The following RTCA variants were observed in gnomAD, a reference collection of about 807,000 sequenced individuals.
The protein encoded by RTCA is RNA 3'-terminal phosphate cyclase.
Under a neutral mutation model 46.1 loss-of-function variants are expected in RTCA, and 37 were observed. The observed-to-expected ratio is 0.80, with a 90% confidence interval of 0.62 to 1.06. The LOEUF (loss-of-function observed/expected upper bound fraction) is 1.06, where lower values mean the gene tolerates loss of function less well. Among genes scored for constraint, RTCA ranks in the 50% least tolerant of loss-of-function variants. The probability of loss-of-function intolerance (pLI) is 0.00; values close to 1 mark genes in which losing one functional copy is unlikely to be tolerated. For missense variants in RTCA, 435 were observed against 455.5 expected, an observed-to-expected ratio of 0.95 and a Z score of 0.41; for synonymous variants, 164 against 158.3, an observed-to-expected ratio of 1.04 and a Z score of -0.27.
intron 8 of RTCA, chr1:100,281,187 T>C (rs1471673129): frequency 3.8e-6 from 2 of 530,320 alleles, no homozygotes; most frequent in Admixed American, 3.9e-5. Context: ...TCCTTATATG[T>C]TGAGCAAGAA....
intron 5 of RTCA, among the ~76,000 whole-genome samples, chr1:100,274,149 C>T (rs1454486273): frequency 6.6e-6 from 1 of 152,092 alleles, no homozygotes. Context: ...GTGCCTCAAT[C>T]AGAATTCATA....
intron 3 of RTCA, 99 bp downstream of exon 3, chr1:100,268,394 T>A: frequency 2.1e-6 from 2 of 975,552 alleles, no homozygotes; most frequent in Non-Finnish European, 3.0e-6. Flanking sequence ...CTTGTTTCCC[T>A]ACTTTTATGT....
In RTCA at chr1:100,275,544, A is replaced by G. The variant is rs1045817775; in HGVS notation, c.616-55A>G. The G allele has an allele frequency of 1.3e-5, 19 of 1,438,948 alleles. No homozygotes were observed. In the African/African-American group the frequency reaches 1.7e-4, roughly 13 times the overall value. The allele number at this position is 1,438,948 out of a possible 1,614,324, so 89.1% of individuals were successfully genotyped here. On this transcript the variant is annotated intron_variant, in intron 6 of 10. Transcript: ENST00000370128. ...ATGTGTCTTTGAAGTCTTGAAAACA[A>G]TTTTCCAAATAATCAGTAATTGTTT...
intron 8 of RTCA, chr1:100,281,346 G>A (rs1159006716): frequency 1.9e-6 from 1 of 529,422 alleles, no homozygotes; most frequent in East Asian, 5.5e-5. Flanking sequence ...CAGAGAGTGA[G>A]AAGACCTAAA....
At chr1:100,282,760 T>C (rs1371114027) in intron 8 of RTCA, among the ~76,000 whole-genome samples, 2 of 152,232 alleles carry the variant, frequency 1.3e-5, no homozygotes, top group Non-Finnish European at 2.9e-5. Context: ...AAGGTTGCCT[T>C]CAAGCTATGT....
chr1:100,266,511 C>A lies in RTCA; in HGVS notation c.46-13C>A. 1.2e-6 allele frequency: 2 copies of A among 1,612,252 alleles called. No individual in the cohort carries two copies. The highest frequency in any genetic ancestry group is 1.7e-6 in the Non-Finnish European group (2 of 1,178,500). ...TGCTTACTTCTCTTCTCCCTGTACC[C>A]CAACCTTTGCAGGGCGGCCAGATCC... On this transcript the variant is annotated splice_polypyrimidine_tract_variant and intron_variant, in intron 1 of 10. Transcript: ENST00000370128.
At chr1:100,270,429 A>G in intron 3 of RTCA, 128 bp from the exon 4 acceptor site, 1 of 1,111,714 alleles carries the variant, frequency 9.0e-7, no homozygotes, top group Non-Finnish European at 1.3e-6. Context: ...ACTCAATGGC[A>G]TATACCTGCC....
At chr1:100,277,392 T>C (rs1209836785) in intron 8 of RTCA, 76 bp downstream of exon 8, 3 of 1,248,838 alleles carry the variant, frequency 2.4e-6, no homozygotes, top group African/African-American at 1.5e-5. Flanking sequence ...TGGAATGTTA[T>C]AGAATGATGG....
At chr1:100,277,415 A>G in intron 8 of RTCA, 99 bp downstream of exon 8, 2 of 1,057,784 alleles carry the variant, frequency 1.9e-6, no homozygotes, top group Non-Finnish European at 2.7e-6. Flanking sequence ...GAAAGTTTAA[A>G]AGGATGTAGT....
chr1:100,273,930 T>G (rs1355557092), intron 5 of RTCA, among the ~76,000 whole-genome samples: 1 of 152,240 alleles, frequency 6.6e-6, no homozygotes, highest in Non-Finnish European at 1.5e-5. Flanking sequence ...TTTGAAGTCT[T>G]GCCCTAACTT....
At chr1:100,290,800 A>G (rs1295103662) in intron 10 of RTCA, among the ~76,000 whole-genome samples, 3 of 152,130 alleles carry the variant, frequency 2.0e-5, no homozygotes, top group Non-Finnish European at 4.4e-5. Context: ...AAATACAATG[A>G]TACAGGTAAA....
chr1:100,267,583 C>A, intron 2 of RTCA: 1 of 1,519,694 alleles, frequency 6.6e-7, no homozygotes. Context: ...TGCTCCAGGC[C>A]TGTCTTTTTG....
In RTCA at chr1:100,274,843, G is replaced by T; in HGVS notation, c.493G>T (p.Gly165Cys). The T allele has an allele frequency of 1.2e-6, 2 of 1,612,292 alleles. No individual in the cohort carries two copies. The highest frequency in any genetic ancestry group is 1.1e-5 in the South Asian group (1 of 90,846). Residue 165 changes from glycine (G) to cysteine (C), a missense_variant, in exon 6 of 11, where the codon GGT becomes TGT. Gly to Cys is a radical substitution (Grantham distance 159, BLOSUM62 -3). Coordinates refer to ENST00000370128, the MANE Select transcript of RTCA (RefSeq NM_003729.4). Reference protein sequence around the residue: ...IKTRGYYPKGGGEVIVRMSPV... With the variant: ...IKTRGYYPKGCGEVIVRMSPV... ...TCATAGGGGATATTACCCAAAAGGG[G>T]GTGGTGAAGTGATTGTTCGAATGTC...
intron 8 of RTCA, among the ~76,000 whole-genome samples, chr1:100,282,007 A>T (rs1004743914): frequency 3.3e-5 from 5 of 152,180 alleles, no homozygotes. Context: ...TGCCGGCCTC[A>T]TGGCATCTCT....
intron 2 of RTCA, 84 bp from the exon 3 acceptor site, chr1:100,268,068 T>C (rs1354149433): frequency 1.9e-6 from 3 of 1,557,460 alleles, no homozygotes; most frequent in South Asian, 1.2e-5. Flanking sequence ...TTTCTTGCCA[T>C]TGCAGTTTTA....
chr1:100,283,160 CTTT>C (rs71084815), intron 8 of RTCA, among the ~76,000 whole-genome samples: 73 of 102,078 alleles, frequency 7.2e-4, no homozygotes, highest in African/African-American at 1.4e-3. Flanking sequence ...CCAAATATTC[CTTT>C]TTTTTTTTTT....
At chr1:100,270,426 G>T in intron 3 of RTCA, 131 bp from the exon 4 acceptor site, 1 of 1,038,996 alleles carries the variant, frequency 9.6e-7, no homozygotes, top group South Asian at 1.8e-5. Context: ...GAAACTCAAT[G>T]GCATATACCT....
At chr1:100,276,630 T>G (rs1385944076) in intron 7 of RTCA, among the ~76,000 whole-genome samples, 1 of 152,114 alleles carries the variant, frequency 6.6e-6, no homozygotes, top group Non-Finnish European at 1.5e-5. Context: ...TGAGCTGAGA[T>G]CACACCACTG....
At chr1:100,273,507 G>GA in intron 5 of RTCA, 55 bp downstream of exon 5, 5 of 1,126,122 alleles carry the variant, frequency 4.4e-6, no homozygotes, top group Admixed American at 2.5e-5. Flanking sequence ...AGAAGTAGTG[G>GA]AAAAGTTAGA....
Sources: allele counts gnomAD v4.1 joint callset (sites outside exome capture counted in the v4.1 genomes callset), GRCh38; gene constraint gnomAD v4.1.1; transcripts MANE v1.5; gene names NCBI Gene and HGNC (gene_info 2026-07-23, HGNC 2026-07-21).